The following DMP1 variants were observed in gnomAD, a reference collection of about 807,000 sequenced individuals.
The protein encoded by DMP1 is dentin matrix protein 1.
A neutral mutation model predicts 14.6 loss-of-function variants in DMP1; 20 were observed. The observed-to-expected ratio is 1.37, with a 90% CI of 0.96 to 1.99. The LOEUF is 1.99. DMP1 is among the 30% of genes most tolerant of loss of function. The probability of loss-of-function intolerance (pLI) is 0.00; values close to 1 mark genes in which losing one functional copy is unlikely to be tolerated. For missense variants in DMP1, 567 were observed against 620.5 expected, an observed-to-expected ratio of 0.91 and a Z score of 0.92; for synonymous variants, 197 against 215.3, an observed-to-expected ratio of 0.91 and a Z score of 0.75.
Position 87,661,204 on chromosome 4 carries a change from A to ATTTTTT in DMP1, c.184-727_184-722dup, listed in dbSNP as rs70957272. Among the ~76,000 whole-genome samples the ATTTTTT allele has an allele frequency of 4.5e-4, 30 of 66,644 alleles. 6 individuals carry two copies. Among genetic ancestry groups the ATTTTTT allele is most frequent in the South Asian group, 6.9e-4 (1 of 1,444 alleles). The allele number at this position is 66,644 out of a possible 152,430, so 43.7% of individuals were successfully genotyped here. On this transcript the variant is annotated intron_variant, in intron 5 of 5. Coordinates refer to ENST00000339673, the MANE Select transcript of DMP1 (RefSeq NM_004407.4). Reference sequence around the variant, plus strand: ...AGGTTTGTGGCACCACAGCCAGCTAATTTTTTTTTTTTTTTTTTTTTTTTT... The same window carrying ATTTTTT: ...AGGTTTGTGGCACCACAGCCAGCTAATTTTTTTTTTTTTTTTTTTTTTTTTTTTTTT...
At chr4:87,657,342 T>A in intron 3 of DMP1, 1 of 264,262 alleles carries the variant, frequency 3.8e-6, no homozygotes, top group Non-Finnish European at 7.2e-6. Flanking sequence ...GAATCAAGAG[T>A]CTTCAGGAGA....
Position 87,662,863 on chromosome 4 carries a change from A to C in DMP1, c.1085A>C (p.Glu362Ala), listed in dbSNP as rs576618731. The C allele has an allele frequency of 6.2e-7, 1 of 1,613,726 alleles. No homozygotes were observed. Among genetic ancestry groups the C allele is most frequent in the Non-Finnish European group, 8.5e-7 (1 of 1,179,660 alleles). ...GAGTCTCAGGAAGAGGTGGTGAGTG[A>C]GTCCAGGGGAGATAACCCCGACCCC... is the stretch of plus-strand genomic sequence containing the variant. ...SSESQEEVVSESRGDNPDPTT... is the reference protein window; with the variant it reads ...SSESQEEVVSASRGDNPDPTT... Residue 362 changes from glutamate (E) to alanine (A), a missense_variant, in exon 6 of 6, where the codon GAG (glutamate) becomes GCG (alanine). By Grantham distance (107) the Glu-to-Ala change is moderately radical. Transcript: ENST00000339673.
At chr4:87,659,372 T>C in intron 4 of DMP1, 59 bp from the exon 5 acceptor site, 2 of 1,602,886 alleles carry the variant, frequency 1.2e-6, no homozygotes, top group Admixed American at 1.7e-5. Flanking sequence ...ATGTGTATCA[T>C]GTTTTTTTCT....
At chr4:87,660,611 G>A (rs1728833169) in intron 5 of DMP1, 1 of 152,280 alleles carries the variant, frequency 6.6e-6, no homozygotes, top group Non-Finnish European at 1.5e-5. Context: ...GTATGGTAAA[G>A]AGAGCAGATA....
intron 3 of DMP1, among the ~76,000 whole-genome samples, chr4:87,658,414 G>C (rs1207135561): frequency 1.3e-5 from 2 of 152,230 alleles, no homozygotes; most frequent in African/African-American, 2.4e-5. Flanking sequence ...GTGCTTATGA[G>C]ACTAAAGATA....
chr4:87,653,407 A>ATATATATATATATAT (rs1553906478), intron 1 of DMP1, among the ~76,000 whole-genome samples: 63 of 104,196 alleles, frequency 6.0e-4, no homozygotes, highest in Non-Finnish European at 9.5e-4. Context: ...ATATATATAT[A>ATATATATATATATAT]TATATATATA....
chr4:87,661,936 C>T (rs1279054133), intron 5 of DMP1, 26 bp from the exon 6 acceptor site: 2 of 1,614,126 alleles, frequency 1.2e-6, no homozygotes, highest in Middle Eastern at 3.3e-4. Flanking sequence ...GGAATACTGA[C>T]CATATCTGTT....
chr4:87,661,802 A>ATT (rs1728893053), intron 5 of DMP1, among the ~76,000 whole-genome samples, 160 bp from the exon 6 acceptor site: 1 of 152,036 alleles, frequency 6.6e-6, no homozygotes, highest in South Asian at 2.1e-4. Context: ...CTTCCTTCCT[A>ATT]TTTAAGCTCT....
chr4:87,663,577 T>C lies in DMP1; in HGVS notation c.*257T>C, dbSNP rs945510915. 5 of 538,666 alleles carry C rather than the reference T, an allele frequency of 9.3e-6. No homozygotes were observed. The highest frequency in any genetic ancestry group is 3.8e-5 in the African/African-American group (2 of 52,552). The allele number at this position is 538,666 out of a possible 1,614,324, so 33.4% of individuals were successfully genotyped here. ...AGGATCTGCATGATAACTTTGCAGC[T>C]GAGATAGTTCCTAATTCATCAACGT... is the stretch of plus-strand genomic sequence containing the variant. On this transcript the variant is annotated 3_prime_UTR_variant, in exon 6 of 6. Transcript: ENST00000339673.
At position 87,651,957 on chromosome 4, in the gene DMP1, A is replaced by G. The variant is rs553501656; in HGVS notation, c.-22+1573A>G. Among the ~76,000 whole-genome samples, 11 of 152,288 alleles carry G rather than the reference A, an allele frequency of 7.2e-5. No individual in the cohort carries two copies. The South Asian group carries it at 2.3e-3, about 32-fold the overall frequency. On this transcript the variant is annotated intron_variant, in intron 1 of 5. Transcript: ENST00000339673. ...TATCTTAACCTTGAGAAAATGCTAG[A>G]ACAAATTTCCTTACTTAAGAGCCGA...
chr4:87,653,428 T>TAC (rs1728589885), intron 1 of DMP1, among the ~76,000 whole-genome samples: 2 of 118,278 alleles, frequency 1.7e-5, no homozygotes, highest in Non-Finnish European at 3.5e-5. Flanking sequence ...TATATATATA[T>TAC]ATATACTTTT....
Sources: gnomAD v4.1 joint callset for allele counts (sites outside exome capture counted in the v4.1 genomes callset) on GRCh38, gnomAD v4.1.1 for gene constraint, MANE v1.5 for transcripts, NCBI Gene and HGNC (gene_info 2026-07-23, HGNC 2026-07-21) for gene names.